Variants in PCSK5 observed in about 807,000 individuals in gnomAD.
PCSK5 encodes proprotein convertase subtilisin/kexin type 5, also known as prohormone convertase 5.
Under a neutral mutation model 233.2 loss-of-function variants are expected in PCSK5, and 129 were observed. The observed-to-expected ratio is 0.55, with a 90% CI of 0.48 to 0.64. PCSK5 has a LOEUF of 0.64. Ranked by LOEUF, PCSK5 falls within the 30% of genes least tolerant of loss-of-function variation. The pLI, the probability that PCSK5 is intolerant of heterozygous loss-of-function variation, is 0.00. For synonymous variants in PCSK5, 825 were observed against 879.2 expected, an observed-to-expected ratio of 0.94 and a Z score of 1.09; for missense variants, 2,076 against 2,430.1, an observed-to-expected ratio of 0.85 and a Z score of 3.06.
At position 76,282,145 on chromosome 9, in the gene PCSK5, T is replaced by TTTTTTTTTTTTTTTTTC. The variant is rs1286020691; in HGVS notation, c.3143-10086_3143-10085insTTTTTTTTTTTTTTCTT. On this transcript the variant is annotated intron_variant, in intron 24 of 37. Transcript: ENST00000674117. ...CTTTTTTTTTTTTTTTTTTTTTTTT[T>TTTTTTTTTTTTTTTTTC]TTCGCTCTGTTGCCCAGGCTGGAGC... Among the ~76,000 whole-genome samples the TTTTTTTTTTTTTTTTTC allele has an allele frequency of 5.2e-4, 51 of 98,990 alleles. 14 individuals carry two copies. Among genetic ancestry groups the TTTTTTTTTTTTTTTTTC allele is most frequent in the East Asian group, 1.6e-3 (4 of 2,480 alleles). The allele number at this position is 98,990 out of a possible 152,430, so 64.9% of individuals were successfully genotyped here.
intron 1 of PCSK5, among the ~76,000 whole-genome samples, chr9:75,925,279 A>G (rs1274330963): frequency 6.6e-6 from 1 of 152,186 alleles, no homozygotes; most frequent in Non-Finnish European, 1.5e-5. Context: ...GTTACATTAT[A>G]TGTCAGTGAT....
At chr9:75,975,595 A>G (rs1377622760) in intron 2 of PCSK5, among the ~76,000 whole-genome samples, 2 of 152,168 alleles carry the variant, frequency 1.3e-5, no homozygotes, top group Non-Finnish European at 1.5e-5. Context: ...ACTTGAGGGC[A>G]TCCAATTTTT....
intron 23 of PCSK5, among the ~76,000 whole-genome samples, chr9:76,240,088 T>C (rs1353607004): frequency 6.6e-6 from 1 of 152,242 alleles, no homozygotes; most frequent in Non-Finnish European, 1.5e-5. Context: ...CTCTCTTCTA[T>C]GTAAGAATGC....
chr9:76,065,283 A>C (rs1189164148), intron 5 of PCSK5, among the ~76,000 whole-genome samples: 2 of 152,002 alleles, frequency 1.3e-5, no homozygotes, highest in Admixed American at 1.3e-4. Context: ...TTTTCACTGC[A>C]CTCTCTGATC....
At chr9:76,095,852 T>C (rs1227752182) in intron 7 of PCSK5, 38 bp from the exon 8 acceptor site, 1 of 1,584,692 alleles carries the variant, frequency 6.3e-7, no homozygotes. Flanking sequence ...TTTAGAGTCA[T>C]TTCACACCAT....
intron 10 of PCSK5, among the ~76,000 whole-genome samples, chr9:76,143,921 A>G (rs1823330180): frequency 6.6e-6 from 1 of 152,118 alleles, no homozygotes; most frequent in South Asian, 2.1e-4. Flanking sequence ...ATGACTTCCG[A>G]AAAGCCATCT....
chr9:76,207,975 T>TATC (rs1825188914), intron 20 of PCSK5, among the ~76,000 whole-genome samples: 1 of 152,182 alleles, frequency 6.6e-6, no homozygotes, highest in Admixed American at 6.5e-5. Flanking sequence ...CTTCTTGCTA[T>TATC]ATCATAACAT....
At chr9:76,031,594 T>C (rs1357404033) in intron 5 of PCSK5, among the ~76,000 whole-genome samples, 1 of 152,040 alleles carries the variant, frequency 6.6e-6, no homozygotes, top group African/African-American at 2.4e-5. Flanking sequence ...GAGGCTGAGA[T>C]AGAAGGATTG....
At chr9:75,944,899 C>T (rs569015250) in intron 2 of PCSK5, among the ~76,000 whole-genome samples, 16 of 152,038 alleles carry the variant, frequency 1.1e-4, no homozygotes, top group Non-Finnish European at 2.1e-4. Flanking sequence ...CACCTGAGGT[C>T]GGGAGTTCAA....
At chr9:76,313,267 AC>A (rs1828918273) in intron 30 of PCSK5, among the ~76,000 whole-genome samples, 1 of 152,214 alleles carries the variant, frequency 6.6e-6, no homozygotes, top group Non-Finnish European at 1.5e-5. Context: ...TTTTTAAATC[AC>A]AACTTTATTG....
intron 3 of PCSK5, among the ~76,000 whole-genome samples, chr9:76,006,620 T>C (rs2789607): frequency 0.27 from 41,017 of 152,010 alleles, 6,322 homozygotes; most frequent in East Asian, 0.64. Context: ...TCAGAACACG[T>C]TTCCTTATTC....
In PCSK5 at chr9:76,086,883, C is replaced by G. The variant is rs1831085693; in HGVS notation, c.895-9007C>G. On this transcript the variant is annotated intron_variant, in intron 7 of 37. Transcript: ENST00000674117. ...TACATAATATCCATAGGACATTATT[C>G]AGCTCCAAAATTGTATTATTTGAAG... Among the ~76,000 whole-genome samples, 5 of 152,246 alleles carry G rather than the reference C, an allele frequency of 3.3e-5. No individual in the cohort carries two copies. The South Asian group carries it at 1.0e-3, about 32-fold the overall frequency.
chr9:75,911,777 G>A (rs944885375), intron 1 of PCSK5, among the ~76,000 whole-genome samples: 1 of 152,102 alleles, frequency 6.6e-6, no homozygotes, highest in Non-Finnish European at 1.5e-5. Context: ...TCATTATTCA[G>A]CAGGCTAGGT....
intron 21 of PCSK5, among the ~76,000 whole-genome samples, chr9:76,230,396 C>T (rs1257867316): frequency 6.6e-6 from 1 of 152,200 alleles, no homozygotes; most frequent in Non-Finnish European, 1.5e-5. Context: ...CCTACATAAA[C>T]ATGGAAGGGT....
At chr9:75,928,432 T>C (rs1823600157) in intron 1 of PCSK5, among the ~76,000 whole-genome samples, 1 of 151,784 alleles carries the variant, frequency 6.6e-6, no homozygotes, top group Non-Finnish European at 1.5e-5. Flanking sequence ...ACTGCCTTTC[T>C]TTTGAATAAC....
chr9:76,359,073 T>C lies in PCSK5; in HGVS notation c.*151T>C, dbSNP rs931258871. ...GTCCAACCAGAATATGTAAGAATGA[T>C]GAAATACTTTGTTCTTCTTTTGAGT... On this transcript the variant is annotated 3_prime_UTR_variant, in exon 38 of 38. Coordinates refer to ENST00000674117, the MANE Select transcript of PCSK5 (RefSeq NM_001372043.1). 26 of 619,026 alleles carry C rather than the reference T, an allele frequency of 4.2e-5. No individual in the cohort carries two copies. In the African/African-American group the frequency reaches 4.6e-4, roughly 11 times the overall value. 38.3% of individuals were successfully genotyped at this position (619,026 alleles called of 1,614,324 possible).
At chr9:76,155,185 TA>T (rs1435798302) in intron 10 of PCSK5, among the ~76,000 whole-genome samples, 11 of 152,190 alleles carry the variant, frequency 7.2e-5, no homozygotes, top group Non-Finnish European at 1.6e-4. Context: ...GATATTAAAG[TA>T]AGGAGACCTT....
At chr9:76,201,919 A>C (rs1824931032) in intron 20 of PCSK5, among the ~76,000 whole-genome samples, 1 of 152,226 alleles carries the variant, frequency 6.6e-6, no homozygotes, top group African/African-American at 2.4e-5. Context: ...CTGAAAGTTA[A>C]TACAAATACT....
At chr9:76,341,243 T>C (rs1029410047) in intron 35 of PCSK5, among the ~76,000 whole-genome samples, 8 of 151,938 alleles carry the variant, frequency 5.3e-5, no homozygotes, top group African/African-American at 1.9e-4. Context: ...AAAAAAAGAT[T>C]TCAAATTGTT....
Sources: allele counts gnomAD v4.1 joint callset (sites outside exome capture counted in the v4.1 genomes callset), GRCh38; gene constraint gnomAD v4.1.1; transcripts MANE v1.5; gene names NCBI Gene and HGNC (gene_info 2026-07-23, HGNC 2026-07-21).